Variants in CATSPER3 observed in about 807,000 individuals in gnomAD.
CATSPER3 encodes the protein cation channel sperm-associated protein 3.
In CATSPER3, 23 loss-of-function variants were observed where a neutral mutation model predicts 36.6. The observed-to-expected ratio is 0.63, with a 90% confidence interval of 0.45 to 0.89. The LOEUF (loss-of-function observed/expected upper bound fraction) is 0.89. Ranked by LOEUF, CATSPER3 falls within the 40% of genes least tolerant of loss-of-function variation. The pLI is 0.00. For missense variants in CATSPER3, 474 were observed against 503.9 expected (o/e 0.94, Z 0.57); for synonymous variants, 172 against 184.1 (o/e 0.93, Z 0.53).
chr5:134,972,198 G>A (rs1751616435), intron 2 of CATSPER3, among the ~76,000 whole-genome samples: 1 of 152,158 alleles, frequency 6.6e-6, no homozygotes, highest in African/African-American at 2.4e-5. Flanking sequence ...AATGCTTACT[G>A]GAGCATTTTG....
At chr5:134,977,288 A>G (rs1751685779) in intron 2 of CATSPER3, among the ~76,000 whole-genome samples, 1 of 152,104 alleles carries the variant, frequency 6.6e-6, no homozygotes, top group Non-Finnish European at 1.5e-5. Flanking sequence ...TTCCTCCCAT[A>G]TCTGATCATA....
intron 2 of CATSPER3, among the ~76,000 whole-genome samples, chr5:134,975,869 A>G (rs531768456): frequency 7.8e-4 from 118 of 152,198 alleles, no homozygotes; most frequent in Non-Finnish European, 1.5e-3. Flanking sequence ...TATGGAATCA[A>G]CCTAAGTGTT....
chr5:135,005,119 G>A (rs17167762), intron 3 of CATSPER3, among the ~76,000 whole-genome samples: 16,865 of 152,110 alleles, frequency 0.11, 3,028 homozygotes, highest in African/African-American at 0.38. Context: ...GAAGAAAGGG[G>A]CATTGACCCA....
chr5:134,970,816 C>T (rs867346684), intron 2 of CATSPER3, among the ~76,000 whole-genome samples: 4 of 152,220 alleles, frequency 2.6e-5, no homozygotes, highest in Middle Eastern at 3.4e-3. Flanking sequence ...AAGTGAGCTG[C>T]CTGCGTCGGG....
chr5:134,993,907 G>A (rs557638490), intron 2 of CATSPER3, among the ~76,000 whole-genome samples: 2 of 152,232 alleles, frequency 1.3e-5, no homozygotes, highest in East Asian at 1.9e-4. Context: ...GGCAGATCAC[G>A]TGAGATCAGG....
At chr5:134,980,816 C>T (rs1751741019) in intron 2 of CATSPER3, among the ~76,000 whole-genome samples, 1 of 152,074 alleles carries the variant, frequency 6.6e-6, no homozygotes, top group African/African-American at 2.4e-5. Flanking sequence ...AGCCTTAAAC[C>T]CTTGGACTCA....
chr5:135,008,091 C>T lies in CATSPER3; in HGVS notation c.627C>T (p.Asn209=). The T allele has an allele frequency of 6.2e-7, 1 of 1,614,194 alleles. No homozygotes were observed. The highest frequency in any genetic ancestry group is 8.5e-7 in the Non-Finnish European group (1 of 1,180,022). ...FGSPDNGDHD[N]WGNLAAAFFT... is the part of the protein sequence containing the mutation. ...CTCCAGACAATGGTGACCATGATAA[C>T]TGGGGGAACCTGGCTGCAGCTTTTT... Residue 209 remains asparagine, a synonymous_variant, in exon 4 of 8, where the codon AAC becomes AAT. Transcript: ENST00000282611.
At chr5:135,009,111 A>G (rs1356301942) in intron 5 of CATSPER3, 130 bp downstream of exon 5, 2 of 1,279,324 alleles carry the variant, frequency 1.6e-6, no homozygotes, top group African/African-American at 1.5e-5. Flanking sequence ...AGGTGGCCAG[A>G]TGGACCTGTC....
intron 2 of CATSPER3, among the ~76,000 whole-genome samples, chr5:134,984,999 AG>A (rs549826477): frequency 2.6e-4 from 39 of 152,226 alleles, no homozygotes; most frequent in African/African-American, 8.9e-4. Context: ...TTGTATTTTT[AG>A]TGGAGACGGG....
intron 3 of CATSPER3, among the ~76,000 whole-genome samples, chr5:134,999,909 C>T (rs1286841377): frequency 6.6e-6 from 1 of 152,136 alleles, no homozygotes; most frequent in Non-Finnish European, 1.5e-5. Context: ...TTTCTTTCTC[C>T]TGCCTGATTG....
In CATSPER3 at chr5:134,970,093, G is replaced by A. The variant is rs149256453; in HGVS notation, c.252+1G>A. On this transcript the variant is annotated splice_donor_variant, in intron 2 of 7. Transcript: ENST00000282611. LOFTEE classifies it high-confidence loss of function. Reference sequence around the variant, plus strand: ...GTACCGCTTGTTCAGACTTCTTGAGGTAAGCAGACAAAATGGGTCCATTTT... The same window carrying A: ...GTACCGCTTGTTCAGACTTCTTGAGATAAGCAGACAAAATGGGTCCATTTT... 3.1e-6 allele frequency: 5 copies of A among 1,613,800 alleles called. No individual in the cohort carries two copies. In the African/African-American group the frequency reaches 4.0e-5, roughly 13 times the overall value.
Position 135,006,824 on chromosome 5 carries a change from C to T in CATSPER3, c.493-1133C>T, listed in dbSNP as rs550877121. Among the ~76,000 whole-genome samples, 13 of 127,512 alleles carry T rather than the reference C, an allele frequency of 1.0e-4. No individual in the cohort carries two copies. The East Asian group carries it at 2.0e-3, about 20-fold the overall frequency. The allele number at this position is 127,512 out of a possible 152,430, so 83.7% of individuals were successfully genotyped here. ...CTGCACTCCAGCCTGGGTGACAGAG[C>T]GACTCCGTCTCGAAAAAAAAAAAAA... On this transcript the variant is annotated intron_variant, in intron 3 of 7. Coordinates refer to ENST00000282611, the MANE Select transcript of CATSPER3 (RefSeq NM_178019.3).
chr5:134,992,783 A>G (rs1434345407), intron 2 of CATSPER3, among the ~76,000 whole-genome samples: 3 of 152,212 alleles, frequency 2.0e-5, no homozygotes, highest in African/African-American at 7.2e-5. Context: ...GATGTAGAGA[A>G]ATTAGAACTG....
chr5:134,978,118 C>G (rs114908251), intron 2 of CATSPER3, among the ~76,000 whole-genome samples: 19 of 152,070 alleles, frequency 1.2e-4, no homozygotes, highest in African/African-American at 4.6e-4. Flanking sequence ...ACATCCAAAC[C>G]GTATTATGTC....
At position 134,968,044 on chromosome 5, in the gene CATSPER3, T is replaced by A; in HGVS notation, c.53T>A (p.Val18Asp). Residue 18 changes from valine (V) to aspartate (D), a missense_variant, in exon 1 of 8, where the codon GTT becomes GAT. Transcript: ENST00000282611. ...RHSRVISSSP[V>D]DTTSVGFCPT... is the part of the protein sequence containing the mutation. ...TCGAGAGTCATTTCTAGTTCACCAG[T>A]TGACACTACATCGGTGGGATTTTGC... is the stretch of plus-strand genomic sequence containing the variant. 6.2e-7 allele frequency: 1 copy of A among 1,614,084 alleles called. No homozygotes were observed. Among genetic ancestry groups the A allele is most frequent in the Non-Finnish European group, 8.5e-7 (1 of 1,179,924 alleles).
At chr5:134,997,077 C>G (rs1190716828) in intron 3 of CATSPER3, among the ~76,000 whole-genome samples, 1 of 152,236 alleles carries the variant, frequency 6.6e-6, no homozygotes, top group Non-Finnish European at 1.5e-5. Context: ...GGGCTGCCCC[C>G]CTGCCTTGAA....
chr5:135,002,102 G>A (rs1387452801), intron 3 of CATSPER3, among the ~76,000 whole-genome samples: 1 of 152,202 alleles, frequency 6.6e-6, no homozygotes, highest in Non-Finnish European at 1.5e-5. Flanking sequence ...GGCTGTTACT[G>A]GTTGTTCCTT....
At position 135,008,043 on chromosome 5, in the gene CATSPER3, C is replaced by A. The variant is rs1752113179; in HGVS notation, c.579C>A (p.Ile193=). 3.1e-6 allele frequency: 5 copies of A among 1,614,042 alleles called. No individual in the cohort carries two copies. Among genetic ancestry groups the A allele is most frequent in the Non-Finnish European group, 4.2e-6 (5 of 1,179,978 alleles). ...LLFLLMYIFA[I]LGFCLFGSPD... ...TCCTCCTCATGTACATCTTCGCTAT[C>A]TTGGGCTTCTGCCTGTTTGGATCTC... The change falls in exon 4 of 8, where the codon ATC becomes ATA. Residue 193 remains isoleucine, a synonymous_variant. Transcript: ENST00000282611.
At chr5:134,981,496 TAGAA>T (rs576083289) in intron 2 of CATSPER3, among the ~76,000 whole-genome samples, 536 of 151,914 alleles carry the variant, frequency 3.5e-3, no homozygotes, top group Non-Finnish European at 5.7e-3. Flanking sequence ...AAAAAATAAA[TAGAA>T]AGAAAATCCC....
Sources: allele counts gnomAD v4.1 joint callset (sites outside exome capture counted in the v4.1 genomes callset), GRCh38; gene constraint gnomAD v4.1.1; transcripts MANE v1.5; gene names NCBI Gene and HGNC (gene_info 2026-07-23, HGNC 2026-07-21).